The following PTPN12 variants were observed in gnomAD, a reference collection of about 807,000 sequenced individuals.
PTPN12 encodes the protein tyrosine-protein phosphatase non-receptor type 12.
In PTPN12, 29 loss-of-function variants were observed where a neutral mutation model predicts 97.6. The ratio of observed to expected loss-of-function variants is 0.30; its 90% CI spans 0.22 to 0.41. PTPN12 has a LOEUF of 0.41. PTPN12 is among the 10% of genes least tolerant of loss of function. The pLI is 1.00. For missense variants in PTPN12, 819 were observed against 926.0 expected (o/e 0.88, Z 1.50); for synonymous variants, 327 against 300.4 (o/e 1.09, Z -0.91).
chr7:77,539,838 G>A (rs1258567381), intron 1 of PTPN12, among the ~76,000 whole-genome samples: 1 of 152,032 alleles, frequency 6.6e-6, no homozygotes, highest in Non-Finnish European at 1.5e-5. Flanking sequence ...AAGCTACCAC[G>A]CCCTGCTAAT....
rs576216122 is a variant in PTPN12, at chr7:77,613,167, GTTT to G, written c.939+2144_939+2146del. 6.9e-3 allele frequency among the ~76,000 whole-genome samples: 614 copies of G among 88,462 alleles called. 3 individuals are homozygous for G. Among genetic ancestry groups the G allele is most frequent in the African/African-American group, 0.027 (532 of 20,042 alleles). 58.0% of individuals were successfully genotyped at this position (88,462 alleles called of 152,430 possible). ...ATAAACAGTTTTCTTTAATTTTTGG[GTTT>G]TTTTTTTTTTTTTTTTTTTTTTGAG... On this transcript the variant is annotated intron_variant, in intron 11 of 17. Transcript: ENST00000248594.
At position 77,625,468 on chromosome 7, in the gene PTPN12, GCTCGCTCTCTCTCTCTCTCTCT is replaced by G. The variant is rs1205568079; in HGVS notation, c.1026-1233_1026-1212del. 1.2e-3 allele frequency among the ~76,000 whole-genome samples: 29 copies of G among 24,760 alleles called. 1 individual carries two copies. The highest frequency in any genetic ancestry group is 6.2e-3 in the African/African-American group (25 of 4,062). The allele number at this position is 24,760 out of a possible 152,430, so 16.2% of individuals were successfully genotyped here. On this transcript the variant is annotated intron_variant, in intron 12 of 17. Coordinates refer to ENST00000248594, the MANE Select transcript of PTPN12 (RefSeq NM_002835.4). The stretch of plus-strand genomic sequence containing the variant: ...AGGGTTTTGCCATATTGCCCAGGCT[GCTCGCTCTCTCTCTCTCTCTCT>G]CTCTCTCTCTCTCTCTCTCTCTCTC...
intron 8 of PTPN12, among the ~76,000 whole-genome samples, chr7:77,605,409 G>GGTTTTTTGTTTTTTTT (rs1554321255): frequency 1.0e-5 from 1 of 95,560 alleles, no homozygotes; most frequent in Non-Finnish European, 2.0e-5. Context: ...TTTGTCATGA[G>GGTTTTTTGTTTTTTTT]TTTTTTTTTT....
rs1474343589 is a variant in PTPN12, at chr7:77,625,512, TCTCTCTCTCTCACTCTCA to T, written c.1026-1187_1026-1170del. 1.3e-4 allele frequency among the ~76,000 whole-genome samples: 14 copies of T among 106,694 alleles called. 1 individual carries two copies. The highest frequency in any genetic ancestry group is 5.0e-4 in the African/African-American group (14 of 27,862). The allele number at this position is 106,694 out of a possible 152,430, so 70.0% of individuals were successfully genotyped here. On this transcript the variant is annotated intron_variant, in intron 12 of 17. Transcript: ENST00000248594. ...CTCTCTCTCTCTCTCTCTCTCTCTCTCTCTCTCTCTCACTCTCACTCTCACTCGCGCTCTCTCTCTCGC... is the reference window on the plus strand; with the variant it reads ...CTCTCTCTCTCTCTCTCTCTCTCTCTCTCTCACTCGCGCTCTCTCTCTCGC...
At chr7:77,593,269 CAAAA>C (rs34709584) in intron 6 of PTPN12, among the ~76,000 whole-genome samples, 1 of 141,238 alleles carries the variant, frequency 7.1e-6, no homozygotes. Context: ...AACTCCATCT[CAAAA>C]AAAAAAAAAA....
At chr7:77,559,610 A>G (rs1000309750) in intron 1 of PTPN12, among the ~76,000 whole-genome samples, 1 of 152,222 alleles carries the variant, frequency 6.6e-6, no homozygotes, top group African/African-American at 2.4e-5. Flanking sequence ...TCATATGTCA[A>G]TAGGATGCTA....
At chr7:77,589,121 G>A (rs988009776) in intron 5 of PTPN12, among the ~76,000 whole-genome samples, 27 of 152,088 alleles carry the variant, frequency 1.8e-4, no homozygotes, top group African/African-American at 4.8e-4. Flanking sequence ...TGATCCGACC[G>A]CCTTTGTCTC....
At chr7:77,571,570 T>C (rs1222818374) in intron 2 of PTPN12, among the ~76,000 whole-genome samples, 1 of 152,200 alleles carries the variant, frequency 6.6e-6, no homozygotes, top group Admixed American at 6.5e-5. Context: ...CCTTAATTGA[T>C]TAATTATGCA....
At position 77,537,440 on chromosome 7, in the gene PTPN12, A is replaced by C. The variant is rs1056851074; in HGVS notation, c.-107A>C. The stretch of plus-strand genomic sequence containing the variant: ...AGCCGCGGGGCTTGGCGGGGTCGGG[A>C]GGGAGGGACGTGCTGGGGGAACGAG... On this transcript the variant is annotated 5_prime_UTR_variant, in exon 1 of 18. Transcript: ENST00000248594. The C allele has an allele frequency of 6.0e-6, 7 of 1,165,228 alleles. No homozygotes were observed. The highest frequency in any genetic ancestry group is 7.5e-6 in the Non-Finnish European group (7 of 939,508). The allele number at this position is 1,165,228 out of a possible 1,614,324, so 72.2% of individuals were successfully genotyped here.
intron 1 of PTPN12, among the ~76,000 whole-genome samples, chr7:77,567,343 A>C (rs1202139647): frequency 1.3e-5 from 2 of 152,212 alleles, no homozygotes; most frequent in African/African-American, 4.8e-5. Context: ...GTGTTCTAAA[A>C]GTACATATAA....
At chr7:77,611,937 G>C (rs1027212852) in intron 11 of PTPN12, among the ~76,000 whole-genome samples, 2 of 149,130 alleles carry the variant, frequency 1.3e-5, no homozygotes, top group African/African-American at 4.9e-5. Context: ...CAATTGTCTT[G>C]CTTCAATTCT....
intron 12 of PTPN12, among the ~76,000 whole-genome samples, chr7:77,625,472 G>GCTCGCTCGCTCTCTCT: frequency 6.0e-5 from 2 of 33,520 alleles, no homozygotes; most frequent in Non-Finnish European, 1.0e-4. Context: ...CAGGCTGCTC[G>GCTCGCTCGCTCTCTCT]CTCTCTCTCT....
At chr7:77,635,749 G>A in intron 14 of PTPN12, 33 bp from the exon 15 acceptor site, 1 of 1,388,038 alleles carries the variant, frequency 7.2e-7, no homozygotes, top group Non-Finnish European at 9.9e-7. Context: ...GAAATTCAAG[G>A]TGTTAATAAC....
chr7:77,566,188 T>A (rs1808248619), intron 1 of PTPN12, among the ~76,000 whole-genome samples: 1 of 152,198 alleles, frequency 6.6e-6, no homozygotes, highest in Admixed American at 6.5e-5. Context: ...ATAGTGGTGG[T>A]GAGTAATTCT....
intron 12 of PTPN12, among the ~76,000 whole-genome samples, chr7:77,618,952 T>TA (rs1196174153): frequency 6.6e-6 from 1 of 152,196 alleles, no homozygotes; most frequent in Non-Finnish European, 1.5e-5. Flanking sequence ...AAAGATGAGT[T>TA]TATTTCTTTA....
At chr7:77,626,124 T>C (rs1789171655) in intron 12 of PTPN12, among the ~76,000 whole-genome samples, 2 of 152,288 alleles carry the variant, frequency 1.3e-5, no homozygotes, top group African/African-American at 4.8e-5. Flanking sequence ...TATACCAATC[T>C]GCAAGAAAGT....
chr7:77,607,986 C>T (rs549830230), intron 9 of PTPN12, among the ~76,000 whole-genome samples: 1 of 152,292 alleles, frequency 6.6e-6, no homozygotes, highest in South Asian at 2.1e-4. Flanking sequence ...AACTTCTGAC[C>T]TCAGGTGATC....
intron 5 of PTPN12, among the ~76,000 whole-genome samples, chr7:77,587,708 C>G (rs1196903775): frequency 1.3e-5 from 2 of 152,196 alleles, no homozygotes; most frequent in East Asian, 3.8e-4. Flanking sequence ...TCTGAAAATC[C>G]TAGATGGCAT....
chr7:77,614,253 A>C (rs940761129), intron 11 of PTPN12, among the ~76,000 whole-genome samples: 1 of 152,182 alleles, frequency 6.6e-6, no homozygotes, highest in African/African-American at 2.4e-5. Flanking sequence ...TAAATACCGC[A>C]TCACCTTTTC....
Sources: gnomAD v4.1 joint callset for allele counts (sites outside exome capture counted in the v4.1 genomes callset) on GRCh38, gnomAD v4.1.1 for gene constraint, MANE v1.5 for transcripts, NCBI Gene and HGNC (gene_info 2026-07-23, HGNC 2026-07-21) for gene names.